SMCHD1: variants seen among roughly 807,000 people sequenced by gnomAD.
SMCHD1 encodes the protein structural maintenance of chromosomes flexible hinge domain containing 1.
A neutral mutation model predicts 254.7 loss-of-function variants in SMCHD1; 78 were observed. That is an observed-to-expected ratio of 0.31 (90% confidence interval 0.26 to 0.37). The LOEUF (loss-of-function observed/expected upper bound fraction) is 0.37, where lower values mean the gene tolerates loss of function less well. Among genes scored for constraint, SMCHD1 ranks in the 10% least tolerant of loss-of-function variants. The probability of loss-of-function intolerance (pLI) is 1.00; values close to 1 mark genes in which losing one functional copy is unlikely to be tolerated. For synonymous variants in SMCHD1, 766 were observed against 794.9 expected (o/e 0.96, Z 0.61); for missense variants, 1,840 against 2,408.1 (o/e 0.76, Z 4.94).
intron 23 of SMCHD1, 89 bp from the exon 24 acceptor site, chr18:2,729,186 T>C (rs1380967884): frequency 9.4e-7 from 1 of 1,058,456 alleles, no homozygotes; most frequent in Non-Finnish European, 1.3e-6. Context: ...AAATAGTAGC[T>C]CTACTGAATT....
chr18:2,789,453 T>G (rs2076285625), intron 45 of SMCHD1, among the ~76,000 whole-genome samples: 1 of 152,150 alleles, frequency 6.6e-6, no homozygotes, highest in African/African-American at 2.4e-5. Flanking sequence ...AATACAAATA[T>G]CACACGTTAA....
chr18:2,696,419 G>A (rs1414001959), intron 8 of SMCHD1, among the ~76,000 whole-genome samples: 1 of 152,172 alleles, frequency 6.6e-6, no homozygotes, highest in African/African-American at 2.4e-5. Context: ...GAACCCTAAT[G>A]TGAACTGTGC....
intron 25 of SMCHD1, among the ~76,000 whole-genome samples, chr18:2,736,393 A>G (rs2075249532): frequency 6.6e-6 from 1 of 152,188 alleles, no homozygotes. Flanking sequence ...TACAACACAA[A>G]CAAAAATTGA....
intron 5 of SMCHD1, among the ~76,000 whole-genome samples, chr18:2,682,313 T>C (rs1301715519): frequency 7.1e-6 from 1 of 141,736 alleles, no homozygotes; most frequent in African/African-American, 3.1e-5. Flanking sequence ...TCTTTCTTCT[T>C]CTTTTTTTTT....
intron 20 of SMCHD1, among the ~76,000 whole-genome samples, chr18:2,724,267 C>G (rs754985561): frequency 6.6e-5 from 10 of 150,760 alleles, no homozygotes; most frequent in Non-Finnish European, 1.3e-4. Context: ...ACTTTTTTTC[C>G]CTTTCTTTAC....
At chr18:2,762,037 C>T in intron 35 of SMCHD1, 68 bp from the exon 36 acceptor site, 1 of 1,335,748 alleles carries the variant, frequency 7.5e-7, no homozygotes. Flanking sequence ...ATTGTTATGT[C>T]TTCCCTTCCT....
intron 1 of SMCHD1, among the ~76,000 whole-genome samples, chr18:2,664,012 G>T (rs1177675020): frequency 2.0e-5 from 3 of 152,202 alleles, no homozygotes; most frequent in East Asian, 3.9e-4. Context: ...ACCGCGCCCG[G>T]CCTATTCCAG....
rs370977174 is a variant in SMCHD1 at position 2,775,839 on chromosome 18, C to T, written c.5281C>T (p.Arg1761Cys). The change falls in exon 42 of 48, where the codon CGT becomes TGT. Residue 1761 changes from arginine (R) to cysteine (C), a missense_variant. Arg to Cys is a radical substitution (Grantham distance 180). Coordinates refer to ENST00000320876, the MANE Select transcript of SMCHD1 (RefSeq NM_015295.3). ...AGTCACCCTAACCACTGACGCTGCA[C>T]GTCGTATCTATGATGAAACCCAAGG... ...CVVTLTTDAA[R>C]RIYDETQGRQ... 2.0e-5 allele frequency: 32 copies of T among 1,612,174 alleles called. No individual in the cohort carries two copies. Among genetic ancestry groups the T allele is most frequent in the Non-Finnish European group, 2.6e-5 (31 of 1,179,396 alleles).
Position 2,703,813 on chromosome 18 carries a change from C to A in SMCHD1, c.1769C>A (p.Ser590Tyr), listed in dbSNP as rs2074455363. 6.2e-7 allele frequency: 1 copy of A among 1,612,902 alleles called. No individual in the cohort carries two copies. The highest frequency in any genetic ancestry group is 8.5e-7 in the Non-Finnish European group (1 of 1,179,274). ...GTAATTACACGTCCTGATCTTCCTTCTAAAAAGCAAGGTCCCTGGGCAACA... is the reference window on the plus strand; with the variant it reads ...GTAATTACACGTCCTGATCTTCCTTATAAAAAGCAAGGTCCCTGGGCAACA... Reference protein sequence around the residue: ...KGVITRPDLPSKKQGPWATYA... With the variant: ...KGVITRPDLPYKKQGPWATYA... Residue 590 changes from serine (S) to tyrosine (Y), a missense_variant, in exon 13 of 48, where the codon TCT (serine) becomes TAT (tyrosine). Physicochemically the swap from Ser to Tyr is moderately radical, Grantham distance 144. Coordinates refer to ENST00000320876, the MANE Select transcript of SMCHD1 (RefSeq NM_015295.3).
In SMCHD1 at chr18:2,755,664, T is replaced by C. The variant is rs575781141; in HGVS notation, c.4346+3112T>C. Reference sequence around the variant, plus strand: ...CTCACTGCAAGCTCTGCCTCCCGGGTTCATGCCATTCTCCTGCCTCAGCCT... The same window carrying C: ...CTCACTGCAAGCTCTGCCTCCCGGGCTCATGCCATTCTCCTGCCTCAGCCT... On this transcript the variant is annotated intron_variant, in intron 34 of 47. Transcript: ENST00000320876. 2.7e-5 allele frequency among the ~76,000 whole-genome samples: 4 copies of C among 146,156 alleles called. No individual in the cohort carries two copies. In the East Asian group the frequency reaches 8.4e-4, roughly 31 times the overall value.
intron 5 of SMCHD1, among the ~76,000 whole-genome samples, chr18:2,683,869 A>G (rs1432381406): frequency 2.6e-5 from 4 of 152,046 alleles, no homozygotes; most frequent in South Asian, 2.1e-4. Context: ...TTTTCATGCT[A>G]TATCTTTTTT....
chr18:2,717,449 A>G (rs1343647761), intron 17 of SMCHD1, among the ~76,000 whole-genome samples: 2 of 151,922 alleles, frequency 1.3e-5, no homozygotes, highest in Non-Finnish European at 2.9e-5. Flanking sequence ...TAGTCCTCCC[A>G]TCTCATCCTC....
intron 10 of SMCHD1, among the ~76,000 whole-genome samples, chr18:2,698,760 G>T (rs1179075559): frequency 1.3e-5 from 2 of 151,758 alleles, no homozygotes; most frequent in African/African-American, 4.9e-5. Flanking sequence ...ACCAGTTATT[G>T]AATGTTATAA....
At chr18:2,760,805 T>C in intron 35 of SMCHD1, 66 bp downstream of exon 35, 1 of 839,280 alleles carries the variant, frequency 1.2e-6, no homozygotes, top group South Asian at 1.7e-5. Context: ...CTCTTGGTTC[T>C]GCATTACATG....
chr18:2,693,602 G>A (rs886472052), intron 7 of SMCHD1, among the ~76,000 whole-genome samples: 12 of 151,844 alleles, frequency 7.9e-5, no homozygotes, highest in Admixed American at 5.9e-4. Context: ...ACACAAACGC[G>A]CATGCGTGCA....
intron 23 of SMCHD1, 95 bp downstream of exon 23, chr18:2,728,691 A>G: frequency 7.9e-7 from 1 of 1,271,366 alleles, no homozygotes; most frequent in Non-Finnish European, 1.1e-6. Flanking sequence ...ACAGGATTTA[A>G]GTCTGAAACG....
intron 1 of SMCHD1, among the ~76,000 whole-genome samples, chr18:2,661,985 G>A (rs1398587094): frequency 1.6e-5 from 2 of 128,140 alleles, no homozygotes; most frequent in Admixed American, 1.6e-4. Context: ...TGAAACCCCC[G>A]TCTCTACTAA....
chr18:2,669,874 AATTGAT>A (rs2073548079), intron 3 of SMCHD1, among the ~76,000 whole-genome samples: 1 of 152,220 alleles, frequency 6.6e-6, no homozygotes, highest in South Asian at 2.1e-4. Flanking sequence ...CCAAAAATCA[AATTGAT>A]ACTTGTATTT....
At chr18:2,745,782 C>T (rs1362437534) in intron 29 of SMCHD1, among the ~76,000 whole-genome samples, 1 of 151,872 alleles carries the variant, frequency 6.6e-6, no homozygotes, top group South Asian at 2.1e-4. Context: ...TTTGTAGATC[C>T]GTAATAATCC....
Sources: allele counts gnomAD v4.1 joint callset (sites outside exome capture counted in the v4.1 genomes callset), GRCh38; gene constraint gnomAD v4.1.1; transcripts MANE v1.5; gene names NCBI Gene and HGNC (gene_info 2026-07-23, HGNC 2026-07-21).